The following ANXA4 variants were observed in gnomAD, a reference collection of about 807,000 sequenced individuals.
The protein encoded by ANXA4 is 35-beta calcimedin.
A neutral mutation model predicts 49.8 loss-of-function variants in ANXA4; 39 were observed. The observed-to-expected ratio is 0.78, with a 90% confidence interval of 0.61 to 1.02. The LOEUF (loss-of-function observed/expected upper bound fraction) is 1.02. Among genes scored for constraint, ANXA4 ranks in the 50% least tolerant of loss-of-function variants. ANXA4 has a pLI of 0.00. For missense variants in ANXA4, 360 were observed against 410.1 expected, an observed-to-expected ratio of 0.88 and a Z score of 1.05; for synonymous variants, 134 against 152.5, an observed-to-expected ratio of 0.88 and a Z score of 0.89.
intron 2 of ANXA4, among the ~76,000 whole-genome samples, chr2:69,662,069 G>C (rs1245282826): frequency 1.3e-5 from 2 of 152,200 alleles, no homozygotes; most frequent in African/African-American, 4.8e-5. Context: ...AATTTGAACT[G>C]AGCAATTCTT....
chr2:69,660,891 A>G (rs1396801), intron 2 of ANXA4, among the ~76,000 whole-genome samples: 10,696 of 152,004 alleles, frequency 0.07, 1,084 homozygotes, highest in East Asian at 0.36. Context: ...GGGGAAGATG[A>G]CAATGGCTGA....
At chr2:69,782,591 G>A (rs1258421610) in intron 2 of ANXA4, among the ~76,000 whole-genome samples, 1 of 152,180 alleles carries the variant, frequency 6.6e-6, no homozygotes, top group Non-Finnish European at 1.5e-5. Context: ...CTGGCCTCAA[G>A]CGATCCTCCC....
At chr2:69,679,176 G>C (rs956804140) in intron 2 of ANXA4, among the ~76,000 whole-genome samples, 2 of 151,922 alleles carry the variant, frequency 1.3e-5, no homozygotes, top group African/African-American at 4.8e-5. Context: ...TCACTCTGTT[G>C]CCCAGACTGT....
At chr2:69,811,647 G>A (rs1673707304) in intron 7 of ANXA4, among the ~76,000 whole-genome samples, 1 of 152,126 alleles carries the variant, frequency 6.6e-6, no homozygotes, top group African/African-American at 2.4e-5. Context: ...TTTCATTACA[G>A]ATATTCTACT....
At chr2:69,809,750 T>G (rs1673613795) in intron 6 of ANXA4, 1 of 152,266 alleles carries the variant, frequency 6.6e-6, no homozygotes, top group South Asian at 2.1e-4. Flanking sequence ...AGTGTTAGGA[T>G]TACAGGCATG....
intron 2 of ANXA4, among the ~76,000 whole-genome samples, chr2:69,695,658 C>A (rs1678136651): frequency 6.6e-6 from 1 of 152,128 alleles, no homozygotes; most frequent in African/African-American, 2.4e-5. Context: ...GCATGAGTTA[C>A]CTTACCCTGT....
intron 3 of ANXA4, among the ~76,000 whole-genome samples, chr2:69,724,130 AAAAAAG>A (rs775457020): frequency 1.8e-4 from 27 of 152,348 alleles, no homozygotes; most frequent in African/African-American, 6.3e-4. Context: ...CAAAAAAAGA[AAAAAAG>A]AAAAAGAAAA....
At chr2:69,651,235 GT>G (rs1573051635) in intron 1 of ANXA4, among the ~76,000 whole-genome samples, 1 of 152,164 alleles carries the variant, frequency 6.6e-6, no homozygotes, top group African/African-American at 2.4e-5. Context: ...GCCAGGCATG[GT>G]TCCATGTGCC....
intron 1 of ANXA4, among the ~76,000 whole-genome samples, chr2:69,650,696 C>T (rs1449334974): frequency 6.6e-6 from 1 of 152,184 alleles, no homozygotes; most frequent in Admixed American, 6.5e-5. Flanking sequence ...TCAAGCAATC[C>T]TCCTCCCTCG....
intron 1 of ANXA4, among the ~76,000 whole-genome samples, chr2:69,752,993 A>G (rs1670909750): frequency 1.3e-5 from 2 of 152,086 alleles, no homozygotes; most frequent in South Asian, 4.1e-4. Context: ...TTGAAATCCC[A>G]TTATTATTCA....
chr2:69,710,677 T>A (rs180940928), intron 2 of ANXA4, among the ~76,000 whole-genome samples: 1 of 152,238 alleles, frequency 6.6e-6, no homozygotes, highest in Admixed American at 6.5e-5. Flanking sequence ...CCAAAGAAGA[T>A]CTACTTAAGG....
intron 1 of ANXA4, 165 bp from the exon 2 acceptor site, chr2:69,781,355 A>G (rs777277793): frequency 6.5e-6 from 4 of 615,070 alleles, no homozygotes; most frequent in Non-Finnish European, 5.8e-6. Flanking sequence ...AGTTTCTCTA[A>G]TTAGCCCATT....
chr2:69,824,378 C>A (rs932200200), intron 12 of ANXA4, among the ~76,000 whole-genome samples: 5 of 151,858 alleles, frequency 3.3e-5, no homozygotes, highest in African/African-American at 1.2e-4. Context: ...TGGTGTGTAC[C>A]TGTAGTGCCA....
upstream of ANXA4, among the ~76,000 whole-genome samples, chr2:69,738,532 G>A (rs1354818025): frequency 6.6e-6 from 1 of 151,238 alleles, no homozygotes; most frequent in African/African-American, 2.4e-5. Flanking sequence ...TCCCCACTCA[G>A]GGATGGAGCC....
At chr2:69,696,251 C>T (rs4852303) in intron 2 of ANXA4, among the ~76,000 whole-genome samples, 20,734 of 152,232 alleles carry the variant, frequency 0.14, 2,052 homozygotes, top group East Asian at 0.37. Context: ...CATTTCAACA[C>T]TGCTCACAGC....
At chr2:69,787,989 G>A (rs1198181545) in intron 2 of ANXA4, 65 bp from the exon 3 acceptor site, 22 of 1,389,500 alleles carry the variant, frequency 1.6e-5, no homozygotes, top group African/African-American at 9.9e-5. Context: ...AATGTTTGCC[G>A]AATGAGATGC....
At chr2:69,665,655 T>C (rs1422293064) in intron 2 of ANXA4, among the ~76,000 whole-genome samples, 1 of 152,194 alleles carries the variant, frequency 6.6e-6, no homozygotes, top group Non-Finnish European at 1.5e-5. Context: ...AAGAGGGGAA[T>C]TTTTATCCTT....
At chr2:69,721,518 G>A (rs1669809972) in intron 3 of ANXA4, among the ~76,000 whole-genome samples, 1 of 152,014 alleles carries the variant, frequency 6.6e-6, no homozygotes, top group African/African-American at 2.4e-5. Flanking sequence ...GACAAGGCTG[G>A]CAAGACCCTG....
chr2:69,719,510 G>T (rs1390484906), intron 2 of ANXA4, among the ~76,000 whole-genome samples: 1 of 151,558 alleles, frequency 6.6e-6, no homozygotes, highest in Non-Finnish European at 1.5e-5. Context: ...TGCAATCTCG[G>T]CTCATTGCAA....
Sources: allele counts gnomAD v4.1 joint callset (sites outside exome capture counted in the v4.1 genomes callset), GRCh38; gene constraint gnomAD v4.1.1; transcripts MANE v1.5; gene names NCBI Gene and HGNC (gene_info 2026-07-23, HGNC 2026-07-21).